RBMS3: variants seen among roughly 807,000 people sequenced by gnomAD.
RBMS3 encodes the protein RNA binding motif single stranded interacting protein 3, also known as RNA-binding motif, single-stranded-interacting protein 3.
In RBMS3, 27 loss-of-function variants were observed where a neutral mutation model predicts 66.8. The observed-to-expected ratio is 0.40, with a 90% CI of 0.30 to 0.56. The LOEUF is 0.56. RBMS3 is among the 20% of genes least tolerant of loss of function. The pLI, the probability that RBMS3 is intolerant of heterozygous loss-of-function variation, is 0.40. For synonymous variants in RBMS3, 188 were observed against 183.0 expected, an observed-to-expected ratio of 1.03 and a Z score of -0.22; for missense variants, 513 against 549.5, an observed-to-expected ratio of 0.93 and a Z score of 0.66.
intron 6 of RBMS3, among the ~76,000 whole-genome samples, chr3:29,796,283 C>G (rs2057181918): frequency 6.6e-6 from 1 of 152,142 alleles, no homozygotes; most frequent in Non-Finnish European, 1.5e-5. Flanking sequence ...ACTTCTAATT[C>G]TAGTTCTCTT....
intron 1 of RBMS3, among the ~76,000 whole-genome samples, chr3:29,349,813 T>G (rs1329839208): frequency 6.6e-6 from 1 of 152,194 alleles, no homozygotes; most frequent in Non-Finnish European, 1.5e-5. Context: ...CAGAACTAAT[T>G]TTTTGTTTCT....
intron 14 of RBMS3, among the ~76,000 whole-genome samples, chr3:29,997,648 A>C (rs1316848608): frequency 6.6e-6 from 1 of 151,844 alleles, no homozygotes. Flanking sequence ...CAGCATATAA[A>C]CAGAGCCAAA....
At chr3:29,650,333 G>A (rs1013570162) in intron 4 of RBMS3, among the ~76,000 whole-genome samples, 1 of 148,172 alleles carries the variant, frequency 6.7e-6, no homozygotes, top group Non-Finnish European at 1.5e-5. Context: ...ACCCAAGCTG[G>A]AGGCTGGAGT....
chr3:29,765,933 T>G (rs1413855363), intron 6 of RBMS3: 1 of 155,860 alleles, frequency 6.4e-6, no homozygotes, highest in East Asian at 1.9e-4. Flanking sequence ...CTTCCCATTT[T>G]AAAATGATCA....
At chr3:29,907,582 C>A (rs1295407122) in intron 10 of RBMS3, among the ~76,000 whole-genome samples, 1 of 151,770 alleles carries the variant, frequency 6.6e-6, no homozygotes, top group African/African-American at 2.4e-5. Flanking sequence ...ATCATTCTGC[C>A]ATCAACTCCA....
chr3:29,770,462 A>C (rs752377237), intron 6 of RBMS3, among the ~76,000 whole-genome samples: 10 of 151,942 alleles, frequency 6.6e-5, no homozygotes, highest in South Asian at 2.1e-4. Flanking sequence ...GTAGCAGCAT[A>C]ATGTGTCTGG....
intron 1 of RBMS3, among the ~76,000 whole-genome samples, chr3:29,378,466 C>T (rs764232688): frequency 2.8e-4 from 40 of 140,764 alleles, no homozygotes; most frequent in Non-Finnish European, 4.4e-4. Flanking sequence ...AGTGAGACTC[C>T]GTCTCAAAAA....
chr3:29,392,994 T>C (rs2039376510), intron 1 of RBMS3, among the ~76,000 whole-genome samples: 1 of 152,220 alleles, frequency 6.6e-6, no homozygotes, highest in Admixed American at 6.5e-5. Context: ...CTGCTGAATT[T>C]TTTTTCCTCC....
At chr3:29,549,765 C>T (rs1407647454) in intron 3 of RBMS3, among the ~76,000 whole-genome samples, 1 of 151,900 alleles carries the variant, frequency 6.6e-6, no homozygotes, top group Non-Finnish European at 1.5e-5. Context: ...CTTAACAAGG[C>T]TGGCAGCTAT....
At chr3:29,331,234 G>A (rs368999505) in intron 1 of RBMS3, among the ~76,000 whole-genome samples, 7 of 152,044 alleles carry the variant, frequency 4.6e-5, no homozygotes, top group East Asian at 3.9e-4. Context: ...CTGCTTCTGG[G>A]TGTTTGACTT....
At chr3:29,947,097 C>T (rs1695374780) in intron 12 of RBMS3, among the ~76,000 whole-genome samples, 1 of 151,416 alleles carries the variant, frequency 6.6e-6, no homozygotes, top group Non-Finnish European at 1.5e-5. Flanking sequence ...TTAGCAGTTT[C>T]AATGAGATGT....
chr3:29,347,087 G>A (rs1327984957), intron 1 of RBMS3, among the ~76,000 whole-genome samples: 5 of 152,160 alleles, frequency 3.3e-5, no homozygotes, highest in Admixed American at 3.3e-4. Flanking sequence ...AGAATGTTGG[G>A]AATTCCTTTG....
At chr3:29,528,367 C>T (rs574890279) in intron 3 of RBMS3, among the ~76,000 whole-genome samples, 3 of 152,222 alleles carry the variant, frequency 2.0e-5, no homozygotes, top group Non-Finnish European at 4.4e-5. Context: ...CCTGCCTTGG[C>T]CTACCAAAGT....
intron 3 of RBMS3, among the ~76,000 whole-genome samples, chr3:29,546,532 C>G (rs2045955423): frequency 6.6e-6 from 1 of 152,256 alleles, no homozygotes; most frequent in Admixed American, 6.5e-5. Context: ...AACAAACAAA[C>G]AAAAACACTG....
chr3:29,676,293 G>A (rs958312794), intron 4 of RBMS3, among the ~76,000 whole-genome samples: 3 of 152,132 alleles, frequency 2.0e-5, no homozygotes, highest in Admixed American at 2.0e-4. Flanking sequence ...GGGAAGGGGG[G>A]AAGGATAGCA....
At chr3:29,949,944 T>C (rs1354060511) in intron 12 of RBMS3, among the ~76,000 whole-genome samples, 2 of 151,802 alleles carry the variant, frequency 1.3e-5, no homozygotes, top group Admixed American at 6.6e-5. Context: ...GTAAAATATA[T>C]TTGACATCTT....
intron 1 of RBMS3, among the ~76,000 whole-genome samples, chr3:29,412,545 C>A (rs896545653): frequency 3.3e-5 from 5 of 152,088 alleles, no homozygotes; most frequent in Non-Finnish European, 7.4e-5. Context: ...TGATGAATTA[C>A]CCCTGAGTCT....
chr3:29,927,975 T>C (rs892340907), intron 10 of RBMS3, among the ~76,000 whole-genome samples: 1 of 151,968 alleles, frequency 6.6e-6, no homozygotes, highest in Non-Finnish European at 1.5e-5. Context: ...AACTGTCCTA[T>C]CTACTCTTAC....
Position 30,003,985 on chromosome 3 carries a change from T to G in RBMS3, c.*123T>G, listed in dbSNP as rs149742442. 1.6e-3 allele frequency: 1,315 copies of G among 830,908 alleles called. 3 individuals are homozygous for G. The highest frequency in any genetic ancestry group is 0.012 in the African/African-American group (690 of 56,952). 51.5% of individuals were successfully genotyped at this position (830,908 alleles called of 1,614,324 possible). On this transcript the variant is annotated 3_prime_UTR_variant, in exon 15 of 15. Transcript: ENST00000383767. ...GCATTTTTTTGTTGTTGTTGTTGTTTTTTTTTTAGTGTTATACCTTACCCA... is the reference window on the plus strand; with the variant it reads ...GCATTTTTTTGTTGTTGTTGTTGTTGTTTTTTTAGTGTTATACCTTACCCA...
Sources: gnomAD v4.1 joint callset for allele counts (sites outside exome capture counted in the v4.1 genomes callset) on GRCh38, gnomAD v4.1.1 for gene constraint, MANE v1.5 for transcripts, NCBI Gene and HGNC (gene_info 2026-07-23, HGNC 2026-07-21) for gene names.